Variants in CSMD3 observed in about 807,000 individuals in gnomAD.
CSMD3 encodes the protein CUB and Sushi multiple domains 3, also known as CUB and sushi domain-containing protein 3.
CSMD3 carries 177 observed loss-of-function variants against 435.2 expected under a neutral mutation model. The observed-to-expected ratio is 0.41, with a 90% CI of 0.36 to 0.46. The LOEUF is 0.46. Among genes scored for constraint, CSMD3 ranks in the 20% least tolerant of loss-of-function variants. CSMD3 has a pLI of 0.34. For missense variants in CSMD3, 4,265 were observed against 4,504.6 expected (o/e 0.95, Z 1.52); for synonymous variants, 1,656 against 1,520.5 (o/e 1.09, Z -2.07).
rs1436684082 is a variant in CSMD3 at position 112,880,589 on chromosome 8, A to T, written c.1634-21323T>A. ...AGACACACTAAACAGCACATTGAAT[A>T]CAGAAAAACTCTGGAATTCCCAGAA... On this transcript the variant is annotated intron_variant, in intron 10 of 70. Coordinates refer to ENST00000297405, the MANE Select transcript of CSMD3 (RefSeq NM_198123.2). Among the ~76,000 whole-genome samples the T allele has an allele frequency of 2.6e-5, 4 of 152,200 alleles. No individual in the cohort carries two copies. The East Asian group carries it at 7.8e-4, about 30-fold the overall frequency.
At chr8:112,634,497 C>T (rs1044739664) in intron 22 of CSMD3, among the ~76,000 whole-genome samples, 1 of 151,898 alleles carries the variant, frequency 6.6e-6, no homozygotes, top group Non-Finnish European at 1.5e-5. Flanking sequence ...TAAAAGCAAG[C>T]ACAGCTAATT....
intron 10 of CSMD3, among the ~76,000 whole-genome samples, chr8:112,888,003 G>A (rs1014411714): frequency 1.5e-4 from 23 of 151,570 alleles, no homozygotes; most frequent in African/African-American, 4.1e-4. Context: ...TTTCCCCTAC[G>A]TACATATATA....
At chr8:112,345,151 A>G (rs1471854018) in intron 41 of CSMD3, among the ~76,000 whole-genome samples, 1 of 152,196 alleles carries the variant, frequency 6.6e-6, no homozygotes, top group Non-Finnish European at 1.5e-5. Context: ...AATAAATATT[A>G]GTACAGACAT....
intron 10 of CSMD3, among the ~76,000 whole-genome samples, chr8:112,891,130 C>A (rs1237313861): frequency 6.6e-6 from 1 of 151,580 alleles, no homozygotes; most frequent in Non-Finnish European, 1.5e-5. Context: ...CCTCCTGGGA[C>A]TTGTAACATC....
At chr8:113,161,939 G>A (rs2092048856) in intron 4 of CSMD3, among the ~76,000 whole-genome samples, 1 of 151,886 alleles carries the variant, frequency 6.6e-6, no homozygotes, top group African/African-American at 2.4e-5. Flanking sequence ...CGTTATACAT[G>A]ACTAAATAAC....
At chr8:113,395,658 G>A (rs1390893014) in intron 1 of CSMD3, among the ~76,000 whole-genome samples, 1 of 150,986 alleles carries the variant, frequency 6.6e-6, no homozygotes, top group African/African-American at 2.4e-5. Context: ...AGCATAAAAT[G>A]ATATATGAAG....
rs568146114 is a variant in CSMD3, at chr8:112,803,373, G to C, written c.1860-3099C>G. On this transcript the variant is annotated intron_variant, in intron 12 of 70. Coordinates refer to ENST00000297405, the MANE Select transcript of CSMD3 (RefSeq NM_198123.2). ...GGCCACAACTTCTTTCGCTGATAAT[G>C]AATTATCTGCCTTGTTTGAGGAAAC... Among the ~76,000 whole-genome samples the C allele has an allele frequency of 5.9e-5, 9 of 152,240 alleles. No homozygotes were observed. In the East Asian group the frequency reaches 1.7e-3, roughly 29 times the overall value.
At chr8:112,415,286 C>T (rs141438194) in intron 32 of CSMD3, among the ~76,000 whole-genome samples, 8 of 152,356 alleles carry the variant, frequency 5.3e-5, no homozygotes, top group Admixed American at 2.0e-4. Context: ...CTAAAAGGAA[C>T]CAAGGTACAG....
intron 18 of CSMD3, among the ~76,000 whole-genome samples, chr8:112,654,778 C>T (rs1196128668): frequency 6.6e-6 from 1 of 152,068 alleles, no homozygotes; most frequent in Admixed American, 6.5e-5. Flanking sequence ...AGACCACATA[C>T]CTTGGGTGGA....
intron 4 of CSMD3, among the ~76,000 whole-genome samples, chr8:113,165,762 C>T (rs2092137356): frequency 1.3e-5 from 2 of 151,942 alleles, no homozygotes; most frequent in Non-Finnish European, 2.9e-5. Context: ...GAATAAAAAA[C>T]TTGAACAATA....
Position 112,958,622 on chromosome 8 carries a change from C to T in CSMD3, c.1343-3861G>A, listed in dbSNP as rs141484266. On this transcript the variant is annotated intron_variant, in intron 7 of 70. Transcript: ENST00000297405. ...AGATATTGATTGACTCTTACTTAAACCTCATCTAATTTTCATGTTAATCAG... is the reference window on the plus strand; with the variant it reads ...AGATATTGATTGACTCTTACTTAAATCTCATCTAATTTTCATGTTAATCAG... 2.0e-5 allele frequency among the ~76,000 whole-genome samples: 3 copies of T among 152,218 alleles called. 1 individual carries two copies. Among genetic ancestry groups the T allele is most frequent in the East Asian group, 3.9e-4 (2 of 5,188 alleles).
At chr8:112,423,815 A>G (rs1329724748) in intron 32 of CSMD3, among the ~76,000 whole-genome samples, 1 of 152,178 alleles carries the variant, frequency 6.6e-6, no homozygotes, top group Non-Finnish European at 1.5e-5. Context: ...CAATGAGCCT[A>G]TTAATGTTTG....
At chr8:113,386,918 C>T (rs909525795) in intron 1 of CSMD3, among the ~76,000 whole-genome samples, 2 of 151,594 alleles carry the variant, frequency 1.3e-5, no homozygotes, top group African/African-American at 4.8e-5. Flanking sequence ...GAAAGAGTGG[C>T]ATGAAAGAAG....
At chr8:112,919,935 G>A (rs2082685097) in intron 10 of CSMD3, among the ~76,000 whole-genome samples, 1 of 151,802 alleles carries the variant, frequency 6.6e-6, no homozygotes. Context: ...TTTTTTGGGT[G>A]TAAACTGGTC....
intron 68 of CSMD3, among the ~76,000 whole-genome samples, chr8:112,232,701 G>C (rs542624330): frequency 6.6e-6 from 1 of 152,276 alleles, no homozygotes; most frequent in African/African-American, 2.4e-5. Context: ...TTTTTAAATG[G>C]GTGAATTGTA....
chr8:112,348,349 A>T (rs1455079025), intron 40 of CSMD3, among the ~76,000 whole-genome samples: 1 of 152,194 alleles, frequency 6.6e-6, no homozygotes, highest in Non-Finnish European at 1.5e-5. Context: ...GTTGTCTCTA[A>T]TATCTAAAAT....
intron 13 of CSMD3, among the ~76,000 whole-genome samples, chr8:112,724,717 T>A (rs1039722614): frequency 7.9e-5 from 12 of 151,990 alleles, no homozygotes; most frequent in African/African-American, 2.7e-4. Context: ...GCATTTAAAA[T>A]CATGCAACCC....
chr8:112,356,276 C>T (rs1464047250), intron 38 of CSMD3, among the ~76,000 whole-genome samples: 1 of 152,244 alleles, frequency 6.6e-6, no homozygotes, highest in East Asian at 1.9e-4. Flanking sequence ...TGAAATCAAC[C>T]TAGGTGCCCA....
At chr8:113,204,867 C>T (rs56077880) in intron 3 of CSMD3, among the ~76,000 whole-genome samples, 21,153 of 151,986 alleles carry the variant, frequency 0.14, 2,672 homozygotes, top group African/African-American at 0.33. Context: ...TTTAATTGGA[C>T]TTACACAGTT....
Sources: gnomAD v4.1 joint callset for allele counts (sites outside exome capture counted in the v4.1 genomes callset) on GRCh38, gnomAD v4.1.1 for gene constraint, MANE v1.5 for transcripts, NCBI Gene and HGNC (gene_info 2026-07-23, HGNC 2026-07-21) for gene names.